Variants in CAST observed in about 807,000 individuals in gnomAD.
The protein encoded by CAST is calpastatin.
Under a neutral mutation model 119.6 loss-of-function variants are expected in CAST, and 76 were observed. That is an observed-to-expected ratio of 0.64 (90% CI 0.53 to 0.77). CAST has a LOEUF of 0.77. Ranked by LOEUF, CAST falls within the 30% of genes least tolerant of loss-of-function variation. The probability of loss-of-function intolerance (pLI) is 0.00; values close to 1 mark genes in which losing one functional copy is unlikely to be tolerated. For missense variants in CAST, 953 were observed against 946.5 expected, an observed-to-expected ratio of 1.01 and a Z score of -0.09; for synonymous variants, 319 against 331.6, an observed-to-expected ratio of 0.96 and a Z score of 0.41.
chr5:96,350,821 G>A, the CAST span, among the ~76,000 whole-genome samples: 10 of 152,244 alleles, frequency 6.6e-5, no homozygotes, highest in African/African-American at 2.4e-4. Context: ...TAACACTAGG[G>A]AAGAGGAATA....
At chr5:96,551,130 T>C (rs547670827) in intron 1 of CAST, among the ~76,000 whole-genome samples, 2 of 151,590 alleles carry the variant, frequency 1.3e-5, no homozygotes, top group Admixed American at 1.3e-4. Flanking sequence ...TTCACCTAGG[T>C]TGAAATGAAG....
chr5:96,575,679 G>C (rs999016355), intron 1 of CAST, among the ~76,000 whole-genome samples: 1 of 150,052 alleles, frequency 6.7e-6, no homozygotes, highest in African/African-American at 2.5e-5. Context: ...GTCTCACTCT[G>C]TCACCCAGGC....
intron 1 of CAST, among the ~76,000 whole-genome samples, chr5:96,566,652 C>G (rs1746474390): frequency 6.6e-6 from 1 of 152,144 alleles, no homozygotes; most frequent in Non-Finnish European, 1.5e-5. Context: ...AGCAGAATAC[C>G]TCAAGTCATT....
chr5:96,415,894 C>T, the CAST span: 1 of 678,718 alleles, frequency 1.5e-6, no homozygotes, highest in South Asian at 1.6e-5. Context: ...AAATCATATT[C>T]AAGTCCTGTA....
At chr5:96,150,534 G>A in the CAST span, among the ~76,000 whole-genome samples, 1 of 152,188 alleles carries the variant, frequency 6.6e-6, no homozygotes, top group African/African-American at 2.4e-5. Flanking sequence ...CTTGGGGACT[G>A]ACATATGAGG....
At chr5:96,114,827 G>C in the CAST span, among the ~76,000 whole-genome samples, 4,808 of 152,216 alleles carry the variant, frequency 0.032, 205 homozygotes, top group African/African-American at 0.1. Flanking sequence ...GAGCTCTCCA[G>C]TTTCCCAAAA....
At chr5:96,052,756 A>G in the CAST span, among the ~76,000 whole-genome samples, 1 of 152,190 alleles carries the variant, frequency 6.6e-6, no homozygotes, top group African/African-American at 2.4e-5. Context: ...GTACATGCCT[A>G]AATACTTTGG....
chr5:96,657,958 G>A (rs1250753589), upstream of CAST, among the ~76,000 whole-genome samples: 3 of 152,194 alleles, frequency 2.0e-5, no homozygotes, highest in African/African-American at 2.4e-5. Flanking sequence ...TTAGATGACC[G>A]TGGTGGTGGG....
chr5:96,183,202 G>A, the CAST span, among the ~76,000 whole-genome samples: 1 of 136,926 alleles, frequency 7.3e-6, no homozygotes, highest in Non-Finnish European at 1.6e-5. Context: ...ATAATACAAT[G>A]TTTCTGAATG....
the CAST span, among the ~76,000 whole-genome samples, chr5:96,276,601 T>C: frequency 1.3e-5 from 2 of 152,330 alleles, no homozygotes; most frequent in Non-Finnish European, 2.9e-5. Flanking sequence ...CAGCCAAACA[T>C]ATTCCTGTAC....
At chr5:96,413,842 A>T in the CAST span, among the ~76,000 whole-genome samples, 1 of 145,354 alleles carries the variant, frequency 6.9e-6, no homozygotes, top group Admixed American at 7.0e-5. Flanking sequence ...AAAATCGGCC[A>T]GGTGCGGTGG....
intron 2 of CAST, among the ~76,000 whole-genome samples, chr5:96,687,826 A>G (rs1752254874): frequency 6.6e-6 from 1 of 152,258 alleles, no homozygotes; most frequent in African/African-American, 2.4e-5. Context: ...TTCTCTGAAT[A>G]TAATTTTGTC....
chr5:96,693,091 C>T (rs951045304), intron 2 of CAST, among the ~76,000 whole-genome samples: 6 of 152,140 alleles, frequency 3.9e-5, no homozygotes, highest in Non-Finnish European at 8.8e-5. Context: ...CAACAAAGGG[C>T]TTAATAAATA....
the CAST span, among the ~76,000 whole-genome samples, chr5:96,108,972 G>T: frequency 3.5e-3 from 533 of 152,352 alleles, 2 homozygotes; most frequent in African/African-American, 4.5e-3. Context: ...ATTTGGGTGG[G>T]AGTGACCCGA....
chr5:96,742,703 A>G lies in CAST; in HGVS notation c.1147A>G (p.Thr383Ala), dbSNP rs984767594. The part of the protein sequence containing the change: ...ALEALSASLG[T>A]RQAEPELDLR... Reference sequence around the variant, plus strand: ...CGAGGCTCTGTCGGCTTCACTGGGCACCCGGCAAGCAGAACCTGAGCTCGA... The same window carrying G: ...CGAGGCTCTGTCGGCTTCACTGGGCGCCCGGCAAGCAGAACCTGAGCTCGA... Residue 383 changes from threonine (T) to alanine (A), a missense_variant, in exon 16 of 32, where the codon ACC becomes GCC. Coordinates refer to ENST00000675179, the MANE Select transcript of CAST (RefSeq NM_001750.7). The G allele has an allele frequency of 6.2e-7, 1 of 1,614,084 alleles. No homozygotes were observed. Among genetic ancestry groups the G allele is most frequent in the Non-Finnish European group, 8.5e-7 (1 of 1,179,972 alleles).
At chr5:96,109,933 T>TAA in the CAST span, among the ~76,000 whole-genome samples, 3,820 of 146,626 alleles carry the variant, frequency 0.026, 76 homozygotes, top group South Asian at 0.079. Flanking sequence ...GTAAAAATGA[T>TAA]AAAAAAAAAA....
the CAST span, among the ~76,000 whole-genome samples, chr5:96,135,466 G>A: frequency 2.6e-5 from 4 of 152,130 alleles, no homozygotes; most frequent in Non-Finnish European, 4.4e-5. Context: ...TTGGATGTAT[G>A]GTGGTGGTTT....
chr5:96,116,626 G>T, the CAST span, among the ~76,000 whole-genome samples: 3 of 152,138 alleles, frequency 2.0e-5, no homozygotes, highest in Admixed American at 6.5e-5. Flanking sequence ...TTTACTGGTC[G>T]TTCTTGTTGT....
intron 1 of CAST, among the ~76,000 whole-genome samples, chr5:96,603,857 G>A (rs1747205716): frequency 6.7e-6 from 1 of 148,572 alleles, no homozygotes. Flanking sequence ...TCAACCTCCA[G>A]GGCTCAAACA....
Sources: allele counts gnomAD v4.1 joint callset (sites outside exome capture counted in the v4.1 genomes callset), GRCh38; gene constraint gnomAD v4.1.1; transcripts MANE v1.5; gene names NCBI Gene and HGNC (gene_info 2026-07-23, HGNC 2026-07-21).